PTPN6: variants seen among roughly 807,000 people sequenced by gnomAD.
PTPN6 encodes tyrosine-protein phosphatase non-receptor type 6.
In PTPN6, 18 loss-of-function variants were observed where a neutral mutation model predicts 81.5. That is an observed-to-expected ratio of 0.22 (90% CI 0.15 to 0.33). The LOEUF is 0.33. Ranked by LOEUF, PTPN6 falls within the 10% of genes least tolerant of loss-of-function variation. PTPN6 has a pLI of 1.00. For synonymous variants in PTPN6, 301 were observed against 310.9 expected (o/e 0.97, Z 0.33); for missense variants, 500 against 794.2 (o/e 0.63, Z 4.45).
In PTPN6 at chr12:6,957,667, C is replaced by CAT; in HGVS notation, c.1090_1091dup (p.Trp365ThrfsTer16). The CAT allele has an allele frequency of 6.2e-7, 1 of 1,613,846 alleles. No individual in the cohort carries two copies. The highest frequency in any genetic ancestry group is 8.5e-7 in the Non-Finnish European group (1 of 1,179,872). On this transcript the variant is annotated frameshift_variant, in exon 10 of 16. Transcript: ENST00000318974. LOFTEE classifies it high-confidence loss of function. This position sits in a 1 kb window ranked among gnomAD's most constrained non-coding sequence, Gnocchi z 6.5. Reference sequence around the variant, plus strand: ...CTCCCTTTCCAGAACAAATGCGTCCCATACTGGCCCGAGGTGGGCATGCAG... The same window carrying CAT: ...CTCCCTTTCCAGAACAAATGCGTCCCATATACTGGCCCGAGGTGGGCATGCAG...
At chr12:6,958,144 A>G in intron 11 of PTPN6, 71 bp downstream of exon 11, 5 of 1,579,682 alleles carry the variant, frequency 3.2e-6, no homozygotes, top group Non-Finnish European at 4.3e-6. Flanking sequence ...ATGAGCTGTT[A>G]TAAGCAATAT....
Position 6,955,350 on chromosome 12 carries a change from T to C in PTPN6, c.634-22T>C. 1 of 1,613,014 alleles carries C rather than the reference T, an allele frequency of 6.2e-7. No homozygotes were observed. Among genetic ancestry groups the C allele is most frequent in the Non-Finnish European group, 8.5e-7 (1 of 1,179,020 alleles). On this transcript the variant is annotated intron_variant, in intron 5 of 15. Coordinates refer to ENST00000318974, the MANE Select transcript of PTPN6 (RefSeq NM_002831.6). The surrounding 1 kb of genome is among the most constrained non-coding windows in gnomAD (Gnocchi z 7.2). Reference sequence around the variant, plus strand: ...CTTCTGGGATCTCTGAGTTGCTGACTTCTCGCTCTTCCCCACCCCAGCCGT... The same window carrying C: ...CTTCTGGGATCTCTGAGTTGCTGACCTCTCGCTCTTCCCCACCCCAGCCGT...
At chr12:6,946,765 C>T (rs1555146865), upstream of PTPN6, 2 of 1,606,332 alleles carry the variant, frequency 1.2e-6, no homozygotes, top group Non-Finnish European at 1.7e-6. Flanking sequence ...CATCGGGGTC[C>T]CAGTCTCCTG....
Position 6,959,933 on chromosome 12 carries a change from C to T in PTPN6, c.1368C>T (p.Gly456=), listed in dbSNP as rs1946098611. 8 of 1,608,900 alleles carry T rather than the reference C, an allele frequency of 5.0e-6. No homozygotes were observed. The highest frequency in any genetic ancestry group is 5.9e-6 in the Non-Finnish European group (7 of 1,178,584). The change falls in exon 12 of 16, where the codon GGC becomes GGT. Residue 456 remains glycine, a synonymous_variant. Coordinates refer to ENST00000318974, the MANE Select transcript of PTPN6 (RefSeq NM_002831.6). The surrounding 1 kb of genome is among the most constrained non-coding windows in gnomAD (Gnocchi z 6.6). ...AGPIIVHCSA[G]IGRTGTIIVI... is the part of the protein sequence containing the mutation. ...CACCCCCGTCTTTCCCCAGCGCCGG[C>T]ATCGGCCGCACAGGCACCATCATTG...
At chr12:6,961,027 C>T in intron 15 of PTPN6, 82 bp downstream of exon 15, 1 of 1,537,568 alleles carries the variant, frequency 6.5e-7, no homozygotes, top group Non-Finnish European at 8.8e-7. Context: ...GATGGGGTGG[C>T]CGCAGCCTCA....
upstream of PTPN6, among the ~76,000 whole-genome samples, chr12:6,948,176 G>C (rs1429032069): frequency 6.6e-6 from 1 of 152,032 alleles, no homozygotes; most frequent in African/African-American, 2.4e-5. Context: ...CTAGCAGTTT[G>C]GGAGGCTGAG....
chr12:6,954,859 G>A lies in PTPN6; in HGVS notation c.381G>A (p.Lys127=), dbSNP rs1281566065. The part of the protein sequence containing the change: ...GGQAETLLQA[K]GEPWTFLVRE... ...AGGCAGAGACGCTGCTGCAGGCCAA[G>A]GGCGAGCCCTGGACGTTTCTTGTGC... The change falls in exon 4 of 16, where the codon AAG becomes AAA. Residue 127 remains lysine, a synonymous_variant. Transcript: ENST00000318974. This position sits in a 1 kb window ranked among gnomAD's most constrained non-coding sequence, Gnocchi z 5.4. 1.9e-6 allele frequency: 3 copies of A among 1,614,216 alleles called. No individual in the cohort carries two copies. Among genetic ancestry groups the A allele is most frequent in the Non-Finnish European group, 2.5e-6 (3 of 1,180,044 alleles).
Position 6,956,172 on chromosome 12 carries a change from G to T in PTPN6, c.875G>T (p.Arg292Leu). The T allele has an allele frequency of 6.2e-7, 1 of 1,614,152 alleles. No homozygotes were observed. Among genetic ancestry groups the T allele is most frequent in the Non-Finnish European group, 8.5e-7 (1 of 1,180,042 alleles). The part of the protein sequence containing the change: ...FDHSRVILQG[R>L]DSNIPGSDYI... The stretch of plus-strand genomic sequence containing the variant: ...CACAGCCGAGTGATCCTGCAGGGAC[G>T]GGACAGTAACATCCCCGGGTCCGAC... The change falls in exon 8 of 16, where the codon CGG becomes CTG. Residue 292 changes from arginine (R) to leucine (L), a missense_variant. By Grantham distance (102) the Arg-to-Leu change is moderately radical. Transcript: ENST00000318974. The surrounding 1 kb of genome is among the most constrained non-coding windows in gnomAD (Gnocchi z 4.1).
intron 11 of PTPN6, 95 bp downstream of exon 11, chr12:6,958,168 C>A (rs1382796694): frequency 6.6e-7 from 1 of 1,504,948 alleles, no homozygotes; most frequent in African/African-American, 1.4e-5. Context: ...CGTTAGCTCG[C>A]ACATTGAGTG....
In PTPN6 at chr12:6,960,259, TGGGGGGG is replaced by T; in HGVS notation, c.1581+28_1581+34del. 2 of 1,146,966 alleles carry T rather than the reference TGGGGGGG, an allele frequency of 1.7e-6. No homozygotes were observed. Among genetic ancestry groups the T allele is most frequent in the South Asian group, 1.3e-5 (1 of 74,812 alleles). 71.0% of individuals were successfully genotyped at this position (1,146,966 alleles called of 1,614,324 possible). A position where few individuals can be genotyped will look rare whatever the true frequency, so the allele number is the denominator to read the frequency against. Reference sequence around the variant, plus strand: ...CTGCAGGTGCGTGCAGAGCAGGGCCTGGGGGGGGGGGGGGCTGCAGTGCAGGATGGGT... The same window carrying T: ...CTGCAGGTGCGTGCAGAGCAGGGCCTGGGGGGGCTGCAGTGCAGGATGGGT... On this transcript the variant is annotated intron_variant, in intron 13 of 15. Coordinates refer to ENST00000318974, the MANE Select transcript of PTPN6 (RefSeq NM_002831.6). The surrounding 1 kb of genome is among the most constrained non-coding windows in gnomAD (Gnocchi z 6.1).
In PTPN6 at chr12:6,959,981, C is replaced by T. The variant is rs1555149404; in HGVS notation, c.1416C>T (p.Asn472=). The change falls in exon 12 of 16, where the codon AAC becomes AAT. Residue 472 remains asparagine (N), a synonymous_variant. Transcript: ENST00000318974. The surrounding 1 kb of genome is among the most constrained non-coding windows in gnomAD (Gnocchi z 6.6). Reference sequence around the variant, plus strand: ...TTGTCATCGACATGCTCATGGAGAACATCTCCACCAAGGGTGAGGGGCACC... The same window carrying T: ...TTGTCATCGACATGCTCATGGAGAATATCTCCACCAAGGGTGAGGGGCACC... The part of the protein sequence containing the change: ...TIIVIDMLME[N]ISTKGLDCDI... 6.4e-7 allele frequency: 1 copy of T among 1,554,014 alleles called. No individual in the cohort carries two copies. Among genetic ancestry groups the T allele is most frequent in the Admixed American group, 1.7e-5 (1 of 58,932 alleles).
In PTPN6 at chr12:6,954,937, G is replaced by T; in HGVS notation, c.459G>T (p.Gln153His). The change falls in exon 4 of 16, where the codon CAG becomes CAT. Residue 153 changes from glutamine (Q) to histidine (H), a missense_variant. This residue lies in a region of PTPN6 where 22 missense variants were observed against 16.1 expected (regional missense o/e 1.37). Coordinates refer to ENST00000318974, the MANE Select transcript of PTPN6 (RefSeq NM_002831.6). The surrounding 1 kb of genome is among the most constrained non-coding windows in gnomAD (Gnocchi z 5.4). ...GDFVLSVLSDQPKAGPGSPLR... is the reference protein window; with the variant it reads ...GDFVLSVLSDHPKAGPGSPLR... ...TCGTGCTTTCTGTGCTCAGTGACCA[G>T]CCCAAGGCTGGCCCAGGCTCCCCGC... 1 of 1,614,216 alleles carries T rather than the reference G, an allele frequency of 6.2e-7. No individual in the cohort carries two copies. The highest frequency in any genetic ancestry group is 1.1e-5 in the South Asian group (1 of 91,090).
chr12:6,948,051 C>T (rs1039889089), upstream of PTPN6, among the ~76,000 whole-genome samples: 8 of 151,388 alleles, frequency 5.3e-5, 1 homozygote, highest in Non-Finnish European at 1.2e-4. Context: ...TTTGGGAGGC[C>T]GAAGGGGGAA....
In PTPN6 at chr12:6,960,124, A is replaced by G. The variant is rs1555149453; in HGVS notation, c.1466A>G (p.Gln489Arg). 1 of 1,613,842 alleles carries G rather than the reference A, an allele frequency of 6.2e-7. No individual in the cohort carries two copies. The highest frequency in any genetic ancestry group is 8.5e-7 in the Non-Finnish European group (1 of 1,180,020). Residue 489 changes from glutamine to arginine, a missense_variant, in exon 13 of 16, where the codon CAG becomes CGG. Gln to Arg is a conservative substitution (Grantham distance 43, BLOSUM62 1). This residue lies in a region of PTPN6 where 226 missense variants were observed against 364.4 expected (regional missense o/e 0.62). Transcript: ENST00000318974. The surrounding 1 kb of genome is among the most constrained non-coding windows in gnomAD (Gnocchi z 6.1). The part of the protein sequence containing the change: ...DCDIDIQKTI[Q>R]MVRAQRSGMV... The stretch of plus-strand genomic sequence containing the variant: ...GACATTGACATCCAGAAGACCATCC[A>G]GATGGTGCGGGCGCAGCGCTCGGGC...
At chr12:6,961,083 G>C in intron 15 of PTPN6, 43 bp from the exon 16 acceptor site, 3 of 1,376,504 alleles carry the variant, frequency 2.2e-6, no homozygotes, top group Non-Finnish European at 3.0e-6. Flanking sequence ...CCACCTCCAG[G>C]TTCCAGCTAC....
In PTPN6 at chr12:6,958,048, G is replaced by T. The variant is rs782216134; in HGVS notation, c.1336G>T (p.Ala446Ser). ...CCAGCGGCAGGAAAGTCTGCCTCAC[G>T]CAGGGCCCATCATCGTGCACTGCAG... ...INQRQESLPH[A>S]GPIIVHCSAG... The change falls in exon 11 of 16, where the codon GCA (alanine) becomes TCA (serine). Residue 446 changes from alanine (A) to serine (S), a missense_variant. Physicochemically the swap from Ala to Ser is moderately conservative, Grantham distance 99. Around this residue, in one of 6 missense-constraint regions of PTPN6, gnomAD observed 226 missense variants for 364.4 expected, o/e 0.62. Coordinates refer to ENST00000318974, the MANE Select transcript of PTPN6 (RefSeq NM_002831.6). The T allele has an allele frequency of 3.3e-5, 53 of 1,612,362 alleles. No individual in the cohort carries two copies. Among genetic ancestry groups the T allele is most frequent in the Non-Finnish European group, 4.2e-5 (50 of 1,180,024 alleles).
Position 6,956,221 on chromosome 12 carries a change from G to T in PTPN6, c.924G>T (p.Lys308Asn). The change falls in exon 8 of 16, where the codon AAG becomes AAT. Residue 308 changes from lysine (K) to asparagine (N), a missense_variant and splice_region_variant. Around this residue, in one of 6 missense-constraint regions of PTPN6, gnomAD observed 226 missense variants for 364.4 expected, o/e 0.62. Transcript: ENST00000318974. The surrounding 1 kb of genome is among the most constrained non-coding windows in gnomAD (Gnocchi z 4.1). ...GSDYINANYIKNQLLGPDENA... is the reference protein window; with the variant it reads ...GSDYINANYINNQLLGPDENA... The stretch of plus-strand genomic sequence containing the variant: ...ACTACATCAATGCCAACTACATCAA[G>T]GTCAGCAGTGTGGGCCACGTGGGAG... The T allele has an allele frequency of 1.2e-6, 2 of 1,614,142 alleles. No homozygotes were observed. Among genetic ancestry groups the T allele is most frequent in the Non-Finnish European group, 1.7e-6 (2 of 1,179,970 alleles).
At chr12:6,947,547 G>A (rs1945846439), upstream of PTPN6, among the ~76,000 whole-genome samples, 1 of 151,846 alleles carries the variant, frequency 6.6e-6, no homozygotes, top group South Asian at 2.1e-4. Context: ...CACACGTCCT[G>A]TGGTTCCAGC....
At position 6,954,115 on chromosome 12, in the gene PTPN6, C is replaced by T. The variant is rs1388222904; in HGVS notation, c.327-690C>T. Among the ~76,000 whole-genome samples the T allele has an allele frequency of 6.6e-6, 1 of 152,116 alleles. No homozygotes were observed. The highest frequency in any genetic ancestry group is 1.5e-5 in the Non-Finnish European group (1 of 68,024). The stretch of plus-strand genomic sequence containing the variant: ...TCTGCCCTGACAGCCCCTTCAAATC[C>T]GTTTGAACCCTGGGCTCCCCTTCAG... On this transcript the variant is annotated intron_variant, in intron 3 of 15. Transcript: ENST00000318974. This position sits in a 1 kb window ranked among gnomAD's most constrained non-coding sequence, Gnocchi z 5.4.
Sources: allele counts gnomAD v4.1 joint callset (sites outside exome capture counted in the v4.1 genomes callset), GRCh38; gene constraint gnomAD v4.1.1; regional missense constraint gnomAD v4.1.1; non-coding constraint Gnocchi (gnomAD v3.1); transcripts MANE v1.5; gene names NCBI Gene and HGNC (gene_info 2026-07-23, HGNC 2026-07-21).